CORIN: variants seen among roughly 807,000 people sequenced by gnomAD.
The protein encoded by CORIN is atrial natriuretic peptide-converting enzyme.
Under a neutral mutation model 125.3 loss-of-function variants are expected in CORIN, and 117 were observed. The observed-to-expected ratio is 0.93, with a 90% CI of 0.80 to 1.09. The LOEUF (loss-of-function observed/expected upper bound fraction) is 1.09. Ranked by LOEUF, CORIN falls within the 50% of genes least tolerant of loss-of-function variation. The pLI is 0.00. For synonymous variants in CORIN, 450 were observed against 466.4 expected (o/e 0.96, Z 0.45); for missense variants, 1,253 against 1,306.7 (o/e 0.96, Z 0.63).
chr4:47,831,956 A>G (rs1172146632), intron 1 of CORIN, among the ~76,000 whole-genome samples: 3 of 152,228 alleles, frequency 2.0e-5, no homozygotes, highest in East Asian at 3.8e-4. Flanking sequence ...GATGAGTTCA[A>G]GAAGGGGTCC....
At chr4:47,702,117 T>C (rs941810086) in intron 5 of CORIN, among the ~76,000 whole-genome samples, 1 of 152,146 alleles carries the variant, frequency 6.6e-6, no homozygotes, top group Non-Finnish European at 1.5e-5. Flanking sequence ...CTTAGTTTCT[T>C]TAAAAAAATT....
chr4:47,830,537 C>A lies in CORIN; in HGVS notation c.63+7350G>T, dbSNP rs114853172. Reference sequence around the variant, plus strand: ...ACCAAGCTTCACAAGTGCATGAATCCCTGTTTTGTTCATAGATGTCTCCTA... The same window carrying A: ...ACCAAGCTTCACAAGTGCATGAATCACTGTTTTGTTCATAGATGTCTCCTA... On this transcript the variant is annotated intron_variant, in intron 1 of 21. Transcript: ENST00000273857. Among the ~76,000 whole-genome samples, 858 of 152,240 alleles carry A rather than the reference C, an allele frequency of 5.6e-3. 5 individuals carry two copies. Among genetic ancestry groups the A allele is most frequent in the African/African-American group, 0.019 (804 of 41,548 alleles).
chr4:47,795,009 G>T (rs1387816426), intron 2 of CORIN, among the ~76,000 whole-genome samples: 2 of 152,074 alleles, frequency 1.3e-5, no homozygotes, highest in South Asian at 4.1e-4. Flanking sequence ...TTTGGATGTG[G>T]ATATGCAATT....
At chr4:47,768,967 C>T (rs960414793) in intron 3 of CORIN, among the ~76,000 whole-genome samples, 5 of 152,080 alleles carry the variant, frequency 3.3e-5, no homozygotes, top group Non-Finnish European at 7.4e-5. Flanking sequence ...GAAGTCCTAA[C>T]CAGAGCAATT....
chr4:47,740,797 C>A (rs1234084461), intron 5 of CORIN, among the ~76,000 whole-genome samples: 4 of 151,596 alleles, frequency 2.6e-5, no homozygotes, highest in Admixed American at 2.6e-4. Flanking sequence ...GAAATAAACC[C>A]ATACATCTAT....
intron 12 of CORIN, among the ~76,000 whole-genome samples, chr4:47,660,243 A>G (rs1724184418): frequency 6.6e-6 from 1 of 152,194 alleles, no homozygotes; most frequent in Non-Finnish European, 1.5e-5. Flanking sequence ...CTAGAAGAAA[A>G]CATTGGGGAA....
chr4:47,838,030 C>T lies in CORIN; in HGVS notation c.-81G>A. The T allele has an allele frequency of 6.3e-7, 1 of 1,586,234 alleles. No homozygotes were observed. The highest frequency in any genetic ancestry group is 8.5e-7 in the Non-Finnish European group (1 of 1,173,854). ...CCTCTACGTGTCCCCCGGGGAGGCA[C>T]TACGGATGATTTTCTCCAAGCTCAA... On this transcript the variant is annotated 5_prime_UTR_variant, in exon 1 of 22. It adds an upstream start codon to the 5' untranslated region. Coordinates refer to ENST00000273857, the MANE Select transcript of CORIN (RefSeq NM_006587.4).
chr4:47,652,939 C>A (rs150335613), intron 13 of CORIN, among the ~76,000 whole-genome samples: 1,733 of 152,186 alleles, frequency 0.011, 18 homozygotes, highest in Non-Finnish European at 0.017. Flanking sequence ...AAAAATAATT[C>A]TTTACATTTG....
intron 10 of CORIN, among the ~76,000 whole-genome samples, chr4:47,673,531 C>G (rs1724867177): frequency 6.6e-6 from 1 of 152,102 alleles, no homozygotes; most frequent in Non-Finnish European, 1.5e-5. Flanking sequence ...AGTCAGAAAT[C>G]ATTACTAGAA....
chr4:47,611,562 C>A (rs1181825176), intron 19 of CORIN, among the ~76,000 whole-genome samples: 1 of 152,212 alleles, frequency 6.6e-6, no homozygotes. Context: ...GATTTCCTCT[C>A]TTCCTATTTG....
At chr4:47,633,384 A>T (rs1298037394) in intron 16 of CORIN, among the ~76,000 whole-genome samples, 3 of 152,204 alleles carry the variant, frequency 2.0e-5, no homozygotes, top group Non-Finnish European at 4.4e-5. Context: ...AGAAAACAAA[A>T]TTAATAAAAT....
At chr4:47,621,852 T>C (rs1722322807) in intron 19 of CORIN, among the ~76,000 whole-genome samples, 1 of 137,354 alleles carries the variant, frequency 7.3e-6, no homozygotes, top group African/African-American at 3.2e-5. Context: ...ATAAAAATCT[T>C]TTTTTTTTTT....
chr4:47,658,362 A>G (rs1162117513), intron 12 of CORIN, among the ~76,000 whole-genome samples: 1 of 152,222 alleles, frequency 6.6e-6, no homozygotes, highest in African/African-American at 2.4e-5. Context: ...TTCAGTCCCC[A>G]TGGCTACTTT....
intron 2 of CORIN, among the ~76,000 whole-genome samples, chr4:47,801,535 G>A (rs1731540400): frequency 1.3e-5 from 2 of 152,224 alleles, no homozygotes; most frequent in Admixed American, 1.3e-4. Context: ...ACAGTAAAGA[G>A]GGCAAGAAAG....
intron 10 of CORIN, among the ~76,000 whole-genome samples, chr4:47,669,553 C>CTA (rs67123208): frequency 0.033 from 4,827 of 144,412 alleles, 248 homozygotes; most frequent in African/African-American, 0.11. Flanking sequence ...CCTTGCTCTT[C>CTA]TATATATATA....
At chr4:47,820,598 G>T (rs984289708) in intron 1 of CORIN, among the ~76,000 whole-genome samples, 3 of 152,132 alleles carry the variant, frequency 2.0e-5, no homozygotes, top group African/African-American at 4.8e-5. Context: ...TATAAAAGTA[G>T]ATCTCAGACT....
intron 14 of CORIN, among the ~76,000 whole-genome samples, chr4:47,644,823 C>T (rs1723394036): frequency 6.6e-6 from 1 of 151,392 alleles, no homozygotes; most frequent in Non-Finnish European, 1.5e-5. Flanking sequence ...GTTTATGTTC[C>T]CTATTATTGG....
At position 47,626,465 on chromosome 4, in the gene CORIN, G is replaced by C. The variant is rs140700496; in HGVS notation, c.2255C>G (p.Thr752Arg). ...QEQEKEPRWL[T>R]LHSNWESLNG... ...GAGGCTCTCCCAGTTGGAGTGTAATGTCAGCCACCGCGGCTCTTTCTCCTG... is the reference window on the plus strand; with the variant it reads ...GAGGCTCTCCCAGTTGGAGTGTAATCTCAGCCACCGCGGCTCTTTCTCCTG... The change falls in exon 17 of 22, where the codon ACA (threonine) becomes AGA (arginine). Residue 752 changes from threonine to arginine, a missense_variant. Transcript: ENST00000273857. The C allele has an allele frequency of 5.0e-5, 81 of 1,613,984 alleles. No individual in the cohort carries two copies. Among genetic ancestry groups the C allele is most frequent in the Non-Finnish European group, 6.8e-5 (80 of 1,179,976 alleles).
chr4:47,768,447 A>G (rs1237446871), intron 3 of CORIN, among the ~76,000 whole-genome samples: 2 of 152,256 alleles, frequency 1.3e-5, no homozygotes, highest in East Asian at 1.9e-4. Context: ...AAAACTGAAG[A>G]AAAGTGAACA....
Sources: gnomAD v4.1 joint callset for allele counts (sites outside exome capture counted in the v4.1 genomes callset) on GRCh38, gnomAD v4.1.1 for gene constraint, MANE v1.5 for transcripts, NCBI Gene and HGNC (gene_info 2026-07-23, HGNC 2026-07-21) for gene names.